DYRK1A: variants seen among roughly 807,000 people sequenced by gnomAD.
DYRK1A encodes the protein dual specificity tyrosine phosphorylation regulated kinase 1A.
DYRK1A carries 9 observed loss-of-function variants against 79.7 expected under a neutral mutation model. That is an observed-to-expected ratio of 0.11 (90% CI 0.07 to 0.20). The LOEUF is 0.20. Ranked by LOEUF, DYRK1A falls within the 10% of genes least tolerant of loss-of-function variation. DYRK1A has a pLI of 1.00. For synonymous variants in DYRK1A, 349 were observed against 329.7 expected, an observed-to-expected ratio of 1.06 and a Z score of -0.63; for missense variants, 622 against 956.0, an observed-to-expected ratio of 0.65 and a Z score of 4.61.
At chr21:37,437,986 G>A (rs758554949) in intron 2 of DYRK1A, among the ~76,000 whole-genome samples, 5 of 152,122 alleles carry the variant, frequency 3.3e-5, no homozygotes, top group South Asian at 4.1e-4. Flanking sequence ...GAGAGTTTCA[G>A]TTGCTTCACA....
intron 11 of DYRK1A, among the ~76,000 whole-genome samples, chr21:37,509,442 A>G (rs1022597930): frequency 2.1e-4 from 32 of 152,030 alleles, no homozygotes; most frequent in Admixed American, 1.3e-4. Flanking sequence ...TTGTTTGTTT[A>G]TTCATTTTTA....
rs894482408 is a variant in DYRK1A, at chr21:37,514,520, T to C, written c.*1989T>C. ...GGTCAATTCCATGTGGCTGACTAGG[T>C]CAATTTTTTTTCTGAACAAAAGCAG... On this transcript the variant is annotated 3_prime_UTR_variant, in exon 12 of 12. Coordinates refer to ENST00000647188, the MANE Select transcript of DYRK1A (RefSeq NM_001347721.2). The C allele has an allele frequency of 2.0e-5, 3 of 152,592 alleles. No homozygotes were observed. Among genetic ancestry groups the C allele is most frequent in the Admixed American group, 1.3e-4 (2 of 15,280 alleles). 9.5% of individuals were successfully genotyped at this position (152,592 alleles called of 1,614,324 possible).
intron 2 of DYRK1A, among the ~76,000 whole-genome samples, chr21:37,452,690 C>T (rs945517886): frequency 3.3e-5 from 5 of 151,718 alleles, no homozygotes; most frequent in African/African-American, 1.2e-4. Flanking sequence ...GAATCCCACC[C>T]ACACTAGTCC....
chr21:37,401,980 T>TCCACTTC (rs1569294166), intron 1 of DYRK1A, among the ~76,000 whole-genome samples: 1 of 152,202 alleles, frequency 6.6e-6, no homozygotes, highest in Non-Finnish European at 1.5e-5. Flanking sequence ...ACTGACAATT[T>TCCACTTC]CCACTTCCCA....
chr21:37,512,596 C>CA lies in DYRK1A; in HGVS notation c.*68dup. The CA allele has an allele frequency of 5.8e-6, 9 of 1,557,700 alleles. No individual in the cohort carries two copies. Among genetic ancestry groups the CA allele is most frequent in the Non-Finnish European group, 7.8e-6 (9 of 1,147,568 alleles). On this transcript the variant is annotated 3_prime_UTR_variant, in exon 12 of 12. Transcript: ENST00000647188. Reference sequence around the variant, plus strand: ...AGAAGTGGTGTTTTTTTTCCAAAAACAAAGTGCAAAGCTGCTTGAATCAGG... The same window carrying CA: ...AGAAGTGGTGTTTTTTTTCCAAAAACAAAAGTGCAAAGCTGCTTGAATCAGG...
intron 2 of DYRK1A, among the ~76,000 whole-genome samples, chr21:37,433,650 C>A (rs1476375016): frequency 1.3e-5 from 2 of 152,186 alleles, no homozygotes; most frequent in Non-Finnish European, 2.9e-5. Context: ...GGATTAAATA[C>A]TTTGGTTTCG....
At chr21:37,508,092 C>T (rs972072842) in intron 11 of DYRK1A, among the ~76,000 whole-genome samples, 2 of 152,178 alleles carry the variant, frequency 1.3e-5, no homozygotes, top group African/African-American at 4.8e-5. Context: ...TCTTTCCCCA[C>T]ACTGAATCAG....
At chr21:37,464,342 G>A in intron 2 of DYRK1A, 1 of 453,796 alleles carries the variant, frequency 2.2e-6, no homozygotes, top group Non-Finnish European at 4.2e-6. Flanking sequence ...TAACGTGGCT[G>A]AAGTAAGAAA....
At position 37,410,308 on chromosome 21, in the gene DYRK1A, C is replaced by G. The variant is rs899904907; in HGVS notation, c.-76-9991C>G. 1.3e-5 allele frequency among the ~76,000 whole-genome samples: 2 copies of G among 152,144 alleles called. 1 individual carries two copies. Among genetic ancestry groups the G allele is most frequent in the Admixed American group, 1.3e-4 (2 of 15,266 alleles). On this transcript the variant is annotated intron_variant, in intron 1 of 11. Transcript: ENST00000647188. ...TTTGTAGGCTGTGTATAGGTATTTT[C>G]TGTTTCTTCAGAATGTAGCAAAAAA...
rs2053793587 is a variant in DYRK1A at position 37,512,804 on chromosome 21, G to A, written c.*273G>A. 2.4e-6 allele frequency: 1 copy of A among 412,200 alleles called. No individual in the cohort carries two copies. The highest frequency in any genetic ancestry group is 2.0e-5 in the African/African-American group (1 of 50,096). The allele number at this position is 412,200 out of a possible 1,614,324, so 25.5% of individuals were successfully genotyped here. A position where few individuals can be genotyped will look rare whatever the true frequency, so the allele number is the denominator to read the frequency against. On this transcript the variant is annotated 3_prime_UTR_variant, in exon 12 of 12. Transcript: ENST00000647188. The stretch of plus-strand genomic sequence containing the variant: ...ACTTGCCACATCCCAGTCACAGTGG[G>A]GTTTTTTTGTCTTTCTATTCAGCAA...
intron 2 of DYRK1A, among the ~76,000 whole-genome samples, chr21:37,444,079 CCTTT>C (rs1569326933): frequency 6.6e-6 from 1 of 152,152 alleles, no homozygotes; most frequent in East Asian, 1.9e-4. Context: ...TGCCCCCGTT[CCTTT>C]CTTCTGCTTC....
intron 1 of DYRK1A, among the ~76,000 whole-genome samples, chr21:37,386,512 C>G (rs2049763691): frequency 6.6e-6 from 1 of 152,210 alleles, no homozygotes; most frequent in Non-Finnish European, 1.5e-5. Context: ...CTGTGTGCCA[C>G]ACACAACAGT....
At chr21:37,488,929 C>G in intron 6 of DYRK1A, 1 of 908,392 alleles carries the variant, frequency 1.1e-6, no homozygotes, top group South Asian at 5.1e-5. Flanking sequence ...AGATATTTTA[C>G]ATTCTTAGGT....
intron 1 of DYRK1A, among the ~76,000 whole-genome samples, chr21:37,373,090 A>G (rs1412285713): frequency 6.6e-6 from 1 of 151,720 alleles, no homozygotes; most frequent in African/African-American, 2.4e-5. Flanking sequence ...ATAGAATGAT[A>G]GAATGCGGAA....
chr21:37,459,673 G>A (rs899182870), intron 2 of DYRK1A, among the ~76,000 whole-genome samples: 4 of 152,150 alleles, frequency 2.6e-5, no homozygotes, highest in East Asian at 1.9e-4. Flanking sequence ...TCTATGTAAC[G>A]TTCTGTTTTC....
chr21:37,372,369 G>C (rs1256350065), intron 1 of DYRK1A, among the ~76,000 whole-genome samples: 1 of 151,762 alleles, frequency 6.6e-6, no homozygotes. Flanking sequence ...GATCAGTTGA[G>C]CCTGGGAGGT....
intron 2 of DYRK1A, among the ~76,000 whole-genome samples, chr21:37,449,315 C>CAT (rs746107162): frequency 2.6e-5 from 4 of 152,156 alleles, no homozygotes; most frequent in Non-Finnish European, 4.4e-5. Context: ...AATTTCTTGC[C>CAT]ATATAATAGT....
At chr21:37,442,218 G>T (rs2051129323) in intron 2 of DYRK1A, among the ~76,000 whole-genome samples, 1 of 151,854 alleles carries the variant, frequency 6.6e-6, no homozygotes, top group African/African-American at 2.4e-5. Flanking sequence ...TGTGCTTGTG[G>T]TTTGTTGAAC....
At position 37,513,498 on chromosome 21, in the gene DYRK1A, A is replaced by C. The variant is rs185496108; in HGVS notation, c.*967A>C. ...ATTCAAGAGGCCTTTCTTTTAAAAT[A>C]GACTTTTGTGACCCACTAATTGTAA... On this transcript the variant is annotated 3_prime_UTR_variant, in exon 12 of 12. Coordinates refer to ENST00000647188, the MANE Select transcript of DYRK1A (RefSeq NM_001347721.2). 6.5e-6 allele frequency: 1 copy of C among 152,778 alleles called. No homozygotes were observed. Among genetic ancestry groups the C allele is most frequent in the East Asian group, 1.9e-4 (1 of 5,188 alleles). The allele number at this position is 152,778 out of a possible 1,614,324, so 9.5% of individuals were successfully genotyped here.
Sources: allele counts gnomAD v4.1 joint callset (sites outside exome capture counted in the v4.1 genomes callset), GRCh38; gene constraint gnomAD v4.1.1; transcripts MANE v1.5; gene names NCBI Gene and HGNC (gene_info 2026-07-23, HGNC 2026-07-21).